The following PTPRZ1 variants were observed in gnomAD, a reference collection of about 807,000 sequenced individuals.
PTPRZ1 encodes receptor-type tyrosine-protein phosphatase zeta.
PTPRZ1 carries 82 observed loss-of-function variants against 214.1 expected under a neutral mutation model. The observed-to-expected ratio is 0.38, with a 90% CI of 0.32 to 0.46. The LOEUF (loss-of-function observed/expected upper bound fraction) is 0.46, where lower values mean the gene tolerates loss of function less well. Among genes scored for constraint, PTPRZ1 ranks in the 20% least tolerant of loss-of-function variants. The pLI is 1.00. For synonymous variants in PTPRZ1, 945 were observed against 987.9 expected, an observed-to-expected ratio of 0.96 and a Z score of 0.81; for missense variants, 2,603 against 2,748.7, an observed-to-expected ratio of 0.95 and a Z score of 1.19.
chr7:121,957,053 C>T (rs1796728794), intron 2 of PTPRZ1, among the ~76,000 whole-genome samples: 1 of 152,190 alleles, frequency 6.6e-6, no homozygotes, highest in Non-Finnish European at 1.5e-5. Context: ...ATCAAAAATG[C>T]GCACACTTCG....
At position 122,011,515 on chromosome 7, in the gene PTPRZ1, C is replaced by T. The variant is rs1798664020; in HGVS notation, c.2469C>T (p.Ser823=). The change falls in exon 12 of 30, where the codon TCC becomes TCT. Residue 823 remains serine, a synonymous_variant. Transcript: ENST00000393386. The part of the protein sequence containing the change: ...SYDGAPLLPF[S]SASFSSELFR... ...ATGGTGCACCTTTGCTTCCATTTTC[C>T]TCTGCTTCCTTCAGTAGTGAATTGT... 6.2e-7 allele frequency: 1 copy of T among 1,613,998 alleles called. No individual in the cohort carries two copies. Among genetic ancestry groups the T allele is most frequent in the South Asian group, 1.1e-5 (1 of 91,080 alleles).
chr7:121,962,211 G>C (rs570006534), intron 2 of PTPRZ1, among the ~76,000 whole-genome samples: 2 of 152,232 alleles, frequency 1.3e-5, no homozygotes, highest in East Asian at 3.9e-4. Context: ...GCATTTGGGA[G>C]GCTGAGGCGG....
intron 26 of PTPRZ1, 77 bp downstream of exon 26, chr7:122,054,115 C>A (rs989072882): frequency 6.7e-6 from 10 of 1,483,544 alleles, no homozygotes; most frequent in Non-Finnish European, 9.2e-6. Flanking sequence ...GTCCAGCATA[C>A]AAACAAGCAA....
intron 1 of PTPRZ1, among the ~76,000 whole-genome samples, chr7:121,915,355 G>C (rs1289519696): frequency 6.6e-6 from 1 of 152,152 alleles, no homozygotes; most frequent in East Asian, 1.9e-4. Flanking sequence ...TCTGAGACCG[G>C]AGAGGCTTCT....
chr7:122,012,129 C>A lies in PTPRZ1; in HGVS notation c.3083C>A (p.Thr1028Lys), dbSNP rs751149388. Residue 1028 changes from threonine (T) to lysine (K), a missense_variant, in exon 12 of 30, where the codon ACA (threonine) becomes AAA (lysine). Thr to Lys is a moderately conservative substitution (Grantham distance 78, BLOSUM62 -1). Transcript: ENST00000393386. Reference protein sequence around the residue: ...ISSPVSVAEFTYTTSVFGDDN... With the variant: ...ISSPVSVAEFKYTTSVFGDDN... Reference sequence around the variant, plus strand: ...TCACCTGTTTCTGTAGCTGAATTTACATATACAACATCTGTGTTTGGTGAT... The same window carrying A: ...TCACCTGTTTCTGTAGCTGAATTTAAATATACAACATCTGTGTTTGGTGAT... 4.1e-5 allele frequency: 66 copies of A among 1,613,652 alleles called. 2 individuals are homozygous for A. In the South Asian group the frequency reaches 7.0e-4, roughly 17 times the overall value.
chr7:122,029,737 G>C (rs1470799038), intron 14 of PTPRZ1, among the ~76,000 whole-genome samples: 1 of 151,228 alleles, frequency 6.6e-6, no homozygotes, highest in Admixed American at 6.6e-5. Flanking sequence ...GTTGATGTTT[G>C]TTATATGTTT....
intron 3 of PTPRZ1, 24 bp from the exon 4 acceptor site, chr7:121,972,517 G>A (rs1175059367): frequency 1.3e-6 from 2 of 1,580,146 alleles, no homozygotes; most frequent in South Asian, 2.4e-5. Flanking sequence ...AGAAGCTTAG[G>A]TGCAATTGTA....
chr7:122,006,201 A>T (rs554444165), intron 11 of PTPRZ1, among the ~76,000 whole-genome samples: 7 of 152,224 alleles, frequency 4.6e-5, no homozygotes, highest in Middle Eastern at 3.4e-3. Flanking sequence ...AAATCAGAGT[A>T]GTTTGCATAT....
In PTPRZ1 at chr7:122,033,868, A is replaced by G. The variant is rs541295037; in HGVS notation, c.5167-227A>G. The G allele has an allele frequency of 2.3e-5, 12 of 530,516 alleles. No homozygotes were observed. In the Admixed American group the frequency reaches 4.1e-4, roughly 18 times the overall value. The allele number at this position is 530,516 out of a possible 1,614,324, so 32.9% of individuals were successfully genotyped here. A position where few individuals can be genotyped will look rare whatever the true frequency, so the allele number is the denominator to read the frequency against. On this transcript the variant is annotated intron_variant, in intron 15 of 29. Coordinates refer to ENST00000393386, the MANE Select transcript of PTPRZ1 (RefSeq NM_002851.3). ...TATTATGACATCACTATCTCCTTTT[A>G]AAAGTGTTATGTTTTCTTTTACATA...
chr7:122,005,069 T>C (rs1798444257), intron 11 of PTPRZ1, among the ~76,000 whole-genome samples: 1 of 152,024 alleles, frequency 6.6e-6, no homozygotes, highest in Non-Finnish European at 1.5e-5. Context: ...AGATTAACGC[T>C]AAATGTGGCC....
At chr7:121,986,096 T>G (rs889989699) in intron 8 of PTPRZ1, among the ~76,000 whole-genome samples, 1 of 152,180 alleles carries the variant, frequency 6.6e-6, no homozygotes, top group African/African-American at 2.4e-5. Flanking sequence ...GCTTTCACAG[T>G]TAAGTGTTAA....
intron 1 of PTPRZ1, among the ~76,000 whole-genome samples, chr7:121,881,555 A>C (rs1794238526): frequency 6.6e-6 from 1 of 152,122 alleles, no homozygotes; most frequent in African/African-American, 2.4e-5. Flanking sequence ...CATTTTTCTT[A>C]AGGTGGAGAT....
chr7:121,961,674 G>T (rs1339071430), intron 2 of PTPRZ1, among the ~76,000 whole-genome samples: 1 of 152,146 alleles, frequency 6.6e-6, no homozygotes, highest in African/African-American at 2.4e-5. Context: ...AAATATTGAA[G>T]ACATTCATTT....
At chr7:122,016,685 A>G (rs1326340602) in intron 12 of PTPRZ1, among the ~76,000 whole-genome samples, 1 of 151,736 alleles carries the variant, frequency 6.6e-6, no homozygotes, top group African/African-American at 2.4e-5. Flanking sequence ...AATGCATTAT[A>G]TATCTTACAT....
chr7:121,931,027 T>C (rs1167395108), intron 2 of PTPRZ1, among the ~76,000 whole-genome samples: 1 of 152,146 alleles, frequency 6.6e-6, no homozygotes, highest in Non-Finnish European at 1.5e-5. Flanking sequence ...TTTTAAATGA[T>C]TCATTTAAAT....
chr7:121,903,364 G>A (rs2116273261), intron 1 of PTPRZ1, among the ~76,000 whole-genome samples: 1 of 152,158 alleles, frequency 6.6e-6, no homozygotes, highest in South Asian at 2.1e-4. Flanking sequence ...CTGTTGTCAT[G>A]TTCATTATTT....
intron 1 of PTPRZ1, among the ~76,000 whole-genome samples, chr7:121,876,997 T>A (rs1462353432): frequency 6.6e-6 from 1 of 152,124 alleles, no homozygotes; most frequent in South Asian, 2.1e-4. Context: ...GTTCAGACTG[T>A]TGCATGGAAA....
chr7:121,961,189 G>A (rs1796865194), intron 2 of PTPRZ1, among the ~76,000 whole-genome samples: 1 of 152,146 alleles, frequency 6.6e-6, no homozygotes, highest in Admixed American at 6.5e-5. Flanking sequence ...TTTCTCTGAT[G>A]AGACATCTAT....
At chr7:121,912,806 G>A (rs539273331) in intron 1 of PTPRZ1, among the ~76,000 whole-genome samples, 19 of 152,172 alleles carry the variant, frequency 1.2e-4, no homozygotes, top group African/African-American at 4.1e-4. Context: ...AAAATTTCCC[G>A]TTTTCTGTTT....
Sources: allele counts gnomAD v4.1 joint callset (sites outside exome capture counted in the v4.1 genomes callset), GRCh38; gene constraint gnomAD v4.1.1; transcripts MANE v1.5; gene names NCBI Gene and HGNC (gene_info 2026-07-23, HGNC 2026-07-21).